OR7A10: variants seen among roughly 807,000 people sequenced by gnomAD.
The protein encoded by OR7A10 is olfactory receptor 7A10.
For synonymous variants in OR7A10, 144 were observed against 144.5 expected (o/e 1.00, Z 0.02); for missense variants, 358 against 370.1 (o/e 0.97, Z 0.27).
At chr19:14,842,269 TGAGATG>T (rs2044919482) in intron 1 of OR7A10, among the ~76,000 whole-genome samples, 1 of 152,222 alleles carries the variant, frequency 6.6e-6, no homozygotes. Flanking sequence ...TTTTCTTTTT[TGAGATG>T]GAGTCTCGCT....
chr19:14,842,216 C>G (rs1158689897), intron 1 of OR7A10, among the ~76,000 whole-genome samples: 2 of 152,192 alleles, frequency 1.3e-5, no homozygotes. Context: ...TTACTCTCCT[C>G]CCACCTTCCA....
At chr19:14,842,870 G>T (rs1430373542) in intron 1 of OR7A10, among the ~76,000 whole-genome samples, 1 of 152,034 alleles carries the variant, frequency 6.6e-6, no homozygotes, top group Non-Finnish European at 1.5e-5. Flanking sequence ...ATATTTCTTT[G>T]GGTATATACC....
At chr19:14,843,486 C>T (rs2044925409) in intron 1 of OR7A10, among the ~76,000 whole-genome samples, 1 of 152,180 alleles carries the variant, frequency 6.6e-6, no homozygotes, top group African/African-American at 2.4e-5. Flanking sequence ...GAAGTTATTC[C>T]TCCTGTCTAA....
chr19:14,842,061 A>G (rs912229741), intron 1 of OR7A10, among the ~76,000 whole-genome samples, 172 bp from the exon 2 acceptor site: 26 of 152,268 alleles, frequency 1.7e-4, no homozygotes, highest in African/African-American at 6.3e-4. Context: ...TTTATCACAT[A>G]TAACATGATG....
At chr19:14,845,123 C>T (rs1350515661) in intron 1 of OR7A10, among the ~76,000 whole-genome samples, 1 of 150,990 alleles carries the variant, frequency 6.6e-6, no homozygotes, top group East Asian at 2.0e-4. Context: ...TGCATCACAT[C>T]GTGGCCTCCT....
chr19:14,841,669 T>C lies in OR7A10; in HGVS notation c.209A>G (p.Asp70Gly). ...GACAGTGGTAGAGACAAAACAGATG[T>C]CTACGAAGGACAGGTTGGAGAGGAA... is the stretch of plus-strand genomic sequence containing the variant. Reference protein sequence around the residue: ...YFFLSNLSFVDICFVSTTVPK... With the variant: ...YFFLSNLSFVGICFVSTTVPK... Residue 70 changes from aspartate (D) to glycine (G), a missense_variant, in exon 2 of 2, where the codon GAC becomes GGC. Physicochemically the swap from Asp to Gly is moderately conservative, Grantham distance 94. Transcript: ENST00000641129. 1 of 1,614,084 alleles carries C rather than the reference T, an allele frequency of 6.2e-7. No individual in the cohort carries two copies.
Position 14,841,136 on chromosome 19 carries a change from C to A in OR7A10, c.742G>T (p.Val248Phe), listed in dbSNP as rs1200572879. 6.2e-7 allele frequency: 1 copy of A among 1,613,984 alleles called. No individual in the cohort carries two copies. The highest frequency in any genetic ancestry group is 1.1e-5 in the South Asian group (1 of 91,052). Residue 248 changes from valine to phenylalanine, a missense_variant, in exon 2 of 2, where the codon GTC becomes TTC. Coordinates refer to ENST00000641129, the MANE Select transcript of OR7A10 (RefSeq NM_001005190.2). The stretch of plus-strand genomic sequence containing the variant: ...AAGCATGTACCATAAAATAAGGAGA[C>A]AACTGAGAGGTGAGATGCACAGGTG... ...FSTCASHLSV[V>F]SLFYGTCLGV... is the part of the protein sequence containing the mutation.
Position 14,841,158 on chromosome 19 carries a change from G to C in OR7A10, c.720C>G (p.Thr240=), listed in dbSNP as rs2044909078. Reference sequence around the variant, plus strand: ...AGACAACTGAGAGGTGAGATGCACAGGTGGAAAATGCCTTATACTTCCCCT... The same window carrying C: ...AGACAACTGAGAGGTGAGATGCACACGTGGAAAATGCCTTATACTTCCCCT... ...SAQGKYKAFS[T]CASHLSVVSL... is the part of the protein sequence containing the mutation. The change falls in exon 2 of 2, where the codon ACC becomes ACG. Residue 240 remains threonine, a synonymous_variant. Coordinates refer to ENST00000641129, the MANE Select transcript of OR7A10 (RefSeq NM_001005190.2). 4.3e-6 allele frequency: 7 copies of C among 1,613,980 alleles called. No individual in the cohort carries two copies. Among genetic ancestry groups the C allele is most frequent in the Non-Finnish European group, 5.1e-6 (6 of 1,180,004 alleles).
intron 1 of OR7A10, among the ~76,000 whole-genome samples, chr19:14,845,431 C>T (rs777051651): frequency 2.0e-5 from 3 of 151,786 alleles, no homozygotes; most frequent in Non-Finnish European, 2.9e-5. Flanking sequence ...GTTGAGATTG[C>T]GCCCCTGGAC....
intron 1 of OR7A10, among the ~76,000 whole-genome samples, chr19:14,843,484 T>A (rs1335227275): frequency 6.6e-6 from 1 of 152,212 alleles, no homozygotes; most frequent in Non-Finnish European, 1.5e-5. Context: ...TTGAAGTTAT[T>A]CCTCCTGTCT....
At position 14,841,588 on chromosome 19, in the gene OR7A10, C is replaced by G. The variant is rs766916102; in HGVS notation, c.290G>C (p.Cys97Ser). 1 of 1,614,178 alleles carries G rather than the reference C, an allele frequency of 6.2e-7. No homozygotes were observed. Among genetic ancestry groups the G allele is most frequent in the Non-Finnish European group, 8.5e-7 (1 of 1,180,046 alleles). ...TAAGAAAAAGCACATCTGGGTGATG[C>G]AGCCTGCATAGGTGATGACTTTGTT... ...THNKVITYAG[C>S]ITQMCFFLLF... Residue 97 changes from cysteine to serine, a missense_variant, in exon 2 of 2, where the codon TGC becomes TCC. By Grantham distance (112) the Cys-to-Ser change is moderately radical. Transcript: ENST00000641129.
chr19:14,841,186 GC>G lies in OR7A10; in HGVS notation c.691del (p.Ala231LeufsTer26), dbSNP rs2044909392. On this transcript the variant is annotated frameshift_variant, in exon 2 of 2. Coordinates refer to ENST00000641129, the MANE Select transcript of OR7A10 (RefSeq NM_001005190.2). LOFTEE classifies it low-confidence loss of function (END_TRUNC). The stretch of plus-strand genomic sequence containing the variant: ...GGAAAATGCCTTATACTTCCCCTGA[GC>G]TGATGAGATTGCACGTATGGAGGAA... ...IVSSIRAISS[A>X]QGKYKAFSTC... The G allele has an allele frequency of 6.2e-7, 1 of 1,614,130 alleles. No individual in the cohort carries two copies.
At chr19:14,844,915 G>A (rs958103558) in intron 1 of OR7A10, among the ~76,000 whole-genome samples, 2 of 151,218 alleles carry the variant, frequency 1.3e-5, no homozygotes, top group Admixed American at 6.6e-5. Flanking sequence ...TGCCCACCTC[G>A]GCCTCCCAAA....
In OR7A10 at chr19:14,841,214, C is replaced by G. The variant is rs1370054060; in HGVS notation, c.664G>C (p.Val222Leu). 6 of 1,614,030 alleles carry G rather than the reference C, an allele frequency of 3.7e-6. No homozygotes were observed. The highest frequency in any genetic ancestry group is 3.3e-5 in the Admixed American group (2 of 59,996). Reference protein sequence around the residue: ...TGILYSYSKIVSSIRAISSAQ... With the variant: ...TGILYSYSKILSSIRAISSAQ... Reference sequence around the variant, plus strand: ...GATGAGATTGCACGTATGGAGGAAACTATCTTAGAGTAAGAGTACAGGATC... The same window carrying G: ...GATGAGATTGCACGTATGGAGGAAAGTATCTTAGAGTAAGAGTACAGGATC... The change falls in exon 2 of 2, where the codon GTT becomes CTT. Residue 222 changes from valine to leucine, a missense_variant. Transcript: ENST00000641129.
rs781264270 is a variant in OR7A10 at position 14,841,012 on chromosome 19, A to G, written c.866T>C (p.Ile289Thr). Residue 289 changes from isoleucine (I) to threonine (T), a missense_variant, in exon 2 of 2, where the codon ATC (isoleucine) becomes ACC (threonine). Physicochemically the swap from Ile to Thr is moderately conservative, Grantham distance 89 (BLOSUM62 -1). Transcript: ENST00000641129. ...TATGTGTTTATTCCTCAGACTGTAG[A>G]TGAAGGGGTTCAGCATGGGGGTGAC... ...TVVTPMLNPFIYSLRNKHIKG... is the reference protein window; with the variant it reads ...TVVTPMLNPFTYSLRNKHIKG... The G allele has an allele frequency of 5.6e-6, 9 of 1,613,984 alleles. No individual in the cohort carries two copies. Among genetic ancestry groups the G allele is most frequent in the African/African-American group, 1.3e-5 (1 of 74,904 alleles).
intron 1 of OR7A10, among the ~76,000 whole-genome samples, chr19:14,846,947 A>C (rs1304881914): frequency 6.6e-6 from 1 of 152,200 alleles, no homozygotes; most frequent in Non-Finnish European, 1.5e-5. Flanking sequence ...AACTTTCTAC[A>C]TTTATAAGGC....
intron 1 of OR7A10, among the ~76,000 whole-genome samples, chr19:14,846,727 G>GAAAAAAAAAAAAAAAAAA (rs1242384296): frequency 4.0e-5 from 3 of 75,084 alleles, no homozygotes. Flanking sequence ...AAAAAAAAAG[G>GAAAAAAAAAAAAAAAAAA]AAAAGGAAGT....
At chr19:14,846,219 C>G (rs2044942048) in intron 1 of OR7A10, among the ~76,000 whole-genome samples, 1 of 152,020 alleles carries the variant, frequency 6.6e-6, no homozygotes, top group African/African-American at 2.4e-5. Flanking sequence ...AGAAGACAAG[C>G]TAAAAACAAC....
intron 1 of OR7A10, among the ~76,000 whole-genome samples, chr19:14,842,136 C>A (rs564189595): frequency 6.6e-6 from 1 of 152,278 alleles, no homozygotes; most frequent in Non-Finnish European, 1.5e-5. Context: ...GGTAACATGT[C>A]ATGGGGGTTT....
Sources: gnomAD v4.1 joint callset for allele counts (sites outside exome capture counted in the v4.1 genomes callset) on GRCh38, gnomAD v4.1.1 for gene constraint, MANE v1.5 for transcripts, NCBI Gene and HGNC (gene_info 2026-07-23, HGNC 2026-07-21) for gene names.